The following FRMD4B variants were observed in gnomAD, a reference collection of about 807,000 sequenced individuals.
FRMD4B encodes FERM domain containing 4B, also known as FERM domain-containing protein 4B.
Under a neutral mutation model 141.5 loss-of-function variants are expected in FRMD4B, and 74 were observed. That is an observed-to-expected ratio of 0.52 (90% CI 0.43 to 0.63). The LOEUF (loss-of-function observed/expected upper bound fraction) is 0.63. Ranked by LOEUF, FRMD4B falls within the 30% of genes least tolerant of loss-of-function variation. The pLI is 0.00. For synonymous variants in FRMD4B, 506 were observed against 467.9 expected, an observed-to-expected ratio of 1.08 and a Z score of -1.05; for missense variants, 1,366 against 1,253.4, an observed-to-expected ratio of 1.09 and a Z score of -1.36.
At chr3:69,498,163 T>A (rs1292629017) in intron 1 of FRMD4B, among the ~76,000 whole-genome samples, 1 of 152,300 alleles carries the variant, frequency 6.6e-6, no homozygotes, top group East Asian at 1.9e-4. Context: ...AAGAGAACAA[T>A]GCCTCCAGAG....
chr3:69,184,572 T>C (rs1164463192), intron 19 of FRMD4B, among the ~76,000 whole-genome samples: 2 of 152,246 alleles, frequency 1.3e-5, no homozygotes, highest in Admixed American at 6.5e-5. Flanking sequence ...GTTAATTCAG[T>C]AGTAAAATTC....
chr3:69,190,683 G>A (rs923214295), intron 17 of FRMD4B, among the ~76,000 whole-genome samples: 1 of 152,158 alleles, frequency 6.6e-6, no homozygotes, highest in South Asian at 2.1e-4. Context: ...CCAAAGTACT[G>A]GGATTAAAGG....
chr3:69,271,416 T>C (rs1228289269), intron 5 of FRMD4B, among the ~76,000 whole-genome samples: 1 of 152,222 alleles, frequency 6.6e-6, no homozygotes, highest in African/African-American at 2.4e-5. Flanking sequence ...GGAGGAACAA[T>C]GATCTTCTCC....
chr3:69,372,010 AACCC>A (rs1703838981), intron 1 of FRMD4B, among the ~76,000 whole-genome samples: 1 of 152,130 alleles, frequency 6.6e-6, no homozygotes, highest in Non-Finnish European at 1.5e-5. Flanking sequence ...TGCCTTGCCA[AACCC>A]ACCTCTCATG....
At chr3:69,474,021 G>C (rs956822214) in intron 1 of FRMD4B, among the ~76,000 whole-genome samples, 1 of 152,122 alleles carries the variant, frequency 6.6e-6, no homozygotes, top group African/African-American at 2.4e-5. Context: ...ACAAAAATTA[G>C]AGATGCCCTA....
At chr3:69,474,218 A>G (rs1478586022) in intron 1 of FRMD4B, among the ~76,000 whole-genome samples, 2 of 152,184 alleles carry the variant, frequency 1.3e-5, no homozygotes, top group Non-Finnish European at 2.9e-5. Context: ...ACCAAAGTTA[A>G]TAAGAAAGAA....
At chr3:69,532,390 T>C (rs1701019996) in intron 1 of FRMD4B, among the ~76,000 whole-genome samples, 1 of 152,118 alleles carries the variant, frequency 6.6e-6, no homozygotes, top group Non-Finnish European at 1.5e-5. Context: ...TATCTGACAT[T>C]TAAAAAAAAA....
chr3:69,469,568 C>A (rs1485926314), intron 1 of FRMD4B, among the ~76,000 whole-genome samples: 1 of 152,152 alleles, frequency 6.6e-6, no homozygotes, highest in Non-Finnish European at 1.5e-5. Flanking sequence ...TCCTTGATTT[C>A]AAATCTCTTT....
At chr3:69,296,367 G>A (rs1701034632) in intron 4 of FRMD4B, among the ~76,000 whole-genome samples, 1 of 152,120 alleles carries the variant, frequency 6.6e-6, no homozygotes, top group Admixed American at 6.5e-5. Flanking sequence ...AATCCTGTAA[G>A]AAACTAATAT....
chr3:69,514,213 A>T (rs1700706884), intron 1 of FRMD4B, among the ~76,000 whole-genome samples: 1 of 152,196 alleles, frequency 6.6e-6, no homozygotes. Flanking sequence ...AGATTGCAGG[A>T]TACAAAATCG....
Position 69,182,458 on chromosome 3 carries a change from G to C in FRMD4B, c.2039+140C>G, listed in dbSNP as rs554142834. ...TTTGCCAACATATTTGAAACCATAA[G>C]TTAGCAGAAAATGTAAAACCATAAA... On this transcript the variant is annotated intron_variant, in intron 20 of 22. Transcript: ENST00000398540. The C allele has an allele frequency of 5.5e-5, 40 of 722,740 alleles. No homozygotes were observed. The South Asian group carries it at 6.0e-4, about 11-fold the overall frequency. The allele number at this position is 722,740 out of a possible 1,614,324, so 44.8% of individuals were successfully genotyped here. A position where few individuals can be genotyped will look rare whatever the true frequency, so the allele number is the denominator to read the frequency against.
intron 5 of FRMD4B, among the ~76,000 whole-genome samples, chr3:69,261,818 G>A (rs1040283166): frequency 5.9e-5 from 9 of 151,816 alleles, no homozygotes; most frequent in African/African-American, 7.3e-5. Context: ...GAATACAGGC[G>A]TGTGCCACCA....
At chr3:69,342,661 T>C (rs999000183) in intron 1 of FRMD4B, among the ~76,000 whole-genome samples, 1 of 152,244 alleles carries the variant, frequency 6.6e-6, no homozygotes, top group Non-Finnish European at 1.5e-5. Context: ...TAGTTTTATT[T>C]CTAAATTGAT....
intron 1 of FRMD4B, among the ~76,000 whole-genome samples, chr3:69,365,082 G>C (rs1428569190): frequency 6.6e-6 from 1 of 152,220 alleles, no homozygotes; most frequent in African/African-American, 2.4e-5. Context: ...GCATAACAGA[G>C]AGGCTGTGTG....
chr3:69,501,941 A>G (rs1262594346), intron 1 of FRMD4B, among the ~76,000 whole-genome samples: 1 of 152,234 alleles, frequency 6.6e-6, no homozygotes, highest in Admixed American at 6.5e-5. Flanking sequence ...ATTGCTTCAA[A>G]GAGAATAAAA....
At chr3:69,323,608 GTATATATATATATATA>G (rs55847019) in intron 1 of FRMD4B, among the ~76,000 whole-genome samples, 1,141 of 101,682 alleles carry the variant, frequency 0.011, 33 homozygotes, top group African/African-American at 0.035. Flanking sequence ...CTCTCTCTGT[GTATATATATATATATA>G]TATATATATA....
chr3:69,460,035 A>G (rs552322749), intron 1 of FRMD4B, among the ~76,000 whole-genome samples: 3 of 152,230 alleles, frequency 2.0e-5, no homozygotes, highest in African/African-American at 4.8e-5. Context: ...TGTTTATTGA[A>G]TGAATGAACC....
intron 1 of FRMD4B, among the ~76,000 whole-genome samples, chr3:69,374,310 T>C (rs1703910370): frequency 6.6e-6 from 1 of 152,160 alleles, no homozygotes; most frequent in Non-Finnish European, 1.5e-5. Flanking sequence ...GTGATGGAGA[T>C]TTTATTTTTA....
chr3:69,340,364 G>T (rs1702697818), intron 1 of FRMD4B, among the ~76,000 whole-genome samples: 1 of 152,014 alleles, frequency 6.6e-6, no homozygotes, highest in Admixed American at 6.6e-5. Flanking sequence ...CTCTCTTTGT[G>T]TCCATGTGTT....
Sources: gnomAD v4.1 joint callset for allele counts (sites outside exome capture counted in the v4.1 genomes callset) on GRCh38, gnomAD v4.1.1 for gene constraint, MANE v1.5 for transcripts, NCBI Gene and HGNC (gene_info 2026-07-23, HGNC 2026-07-21) for gene names.